HIBCH: variants seen among roughly 807,000 people sequenced by gnomAD.
HIBCH encodes the protein 3-hydroxyisobutyryl-CoA hydrolase, mitochondrial.
Under a neutral mutation model 58.2 loss-of-function variants are expected in HIBCH, and 50 were observed. The observed-to-expected ratio is 0.86, with a 90% CI of 0.68 to 1.09. The LOEUF (loss-of-function observed/expected upper bound fraction) is 1.09, where lower values mean the gene tolerates loss of function less well. Among genes scored for constraint, HIBCH ranks in the 50% least tolerant of loss-of-function variants. The probability of loss-of-function intolerance (pLI) is 0.00; values close to 1 mark genes in which losing one functional copy is unlikely to be tolerated. For synonymous variants in HIBCH, 151 were observed against 146.9 expected (o/e 1.03, Z -0.20); for missense variants, 450 against 449.7 (o/e 1.00, Z -0.01).
chr2:190,216,398 TA>T lies in HIBCH; in HGVS notation c.892-3324del, dbSNP rs1685533945. Among the ~76,000 whole-genome samples, 1 of 152,190 alleles carries T rather than the reference TA, an allele frequency of 6.6e-6. No individual in the cohort carries two copies. Among genetic ancestry groups the T allele is most frequent in the Admixed American group, 6.5e-5 (1 of 15,276 alleles). Reference sequence around the variant, plus strand: ...GACCATTAAGGTTTTGTTGTTGTTTTACTGAGAGGCTGTAAGTCCACCACGG... The same window carrying T: ...GACCATTAAGGTTTTGTTGTTGTTTTCTGAGAGGCTGTAAGTCCACCACGG... On this transcript the variant is annotated intron_variant, in intron 11 of 13. Transcript: ENST00000359678. The surrounding 1 kb of genome is among the most constrained non-coding windows in gnomAD (Gnocchi z 4.2).
intron 1 of HIBCH, among the ~76,000 whole-genome samples, chr2:190,195,057 T>C (rs982936139): frequency 1.3e-5 from 2 of 151,894 alleles, no homozygotes; most frequent in Admixed American, 6.6e-5. Context: ...AGAGACGGGG[T>C]CTTGCTATGT....
At position 190,281,128 on chromosome 2, in the gene HIBCH, C is replaced by A. The variant is rs1265466094; in HGVS notation, c.438+6458G>T. Reference sequence around the variant, plus strand: ...ATCTCAAGGGCAGCTCTAGCTCTGACCTCACAATTCCACTTGGCATTCTCC... The same window carrying A: ...ATCTCAAGGGCAGCTCTAGCTCTGAACTCACAATTCCACTTGGCATTCTCC... On this transcript the variant is annotated intron_variant, in intron 6 of 13. Transcript: ENST00000359678. This position sits in a 1 kb window ranked among gnomAD's most constrained non-coding sequence, Gnocchi z 5.4. 3 of 152,296 alleles carry A rather than the reference C, an allele frequency of 2.0e-5. No homozygotes were observed. Among genetic ancestry groups the A allele is most frequent in the Non-Finnish European group, 4.4e-5 (3 of 68,168 alleles). The allele number at this position is 152,296 out of a possible 1,614,324, so 9.4% of individuals were successfully genotyped here.
chr2:190,242,593 G>A (rs1186730801), intron 11 of HIBCH, among the ~76,000 whole-genome samples: 1 of 152,104 alleles, frequency 6.6e-6, no homozygotes, highest in African/African-American at 2.4e-5. Context: ...GATGGCCTCT[G>A]AATGGGGTTT....
At chr2:190,278,169 A>G (rs2966469) in intron 6 of HIBCH, among the ~76,000 whole-genome samples, 147,757 of 152,154 alleles carry the variant, frequency 0.97, 71,787 homozygotes, top group Admixed American at 0.98. Context: ...TTCTTGGGCC[A>G]AATTCCAGAC....
intron 6 of HIBCH, among the ~76,000 whole-genome samples, chr2:190,261,616 T>C (rs982599839): frequency 2.0e-5 from 3 of 151,784 alleles, no homozygotes; most frequent in Admixed American, 1.3e-4. Context: ...TATAAGAATA[T>C]ATACAACTAT....
At chr2:190,309,956 G>C (rs1401595519) in intron 2 of HIBCH, among the ~76,000 whole-genome samples, 1 of 152,094 alleles carries the variant, frequency 6.6e-6, no homozygotes, top group Non-Finnish European at 1.5e-5. Context: ...CATTCAAGTC[G>C]GTGGACTGGG....
At chr2:190,287,535 A>G (rs1213276406) in intron 6 of HIBCH, 51 bp downstream of exon 6, 2 of 1,154,580 alleles carry the variant, frequency 1.7e-6, no homozygotes, top group Non-Finnish European at 2.6e-6. Context: ...TTATTAACTT[A>G]TTTTTAATAC....
intron 6 of HIBCH, among the ~76,000 whole-genome samples, chr2:190,280,446 A>C (rs535429807): frequency 3.8e-4 from 58 of 152,300 alleles, no homozygotes; most frequent in African/African-American, 9.6e-4. Flanking sequence ...TCCCTAAAAT[A>C]ACTGGTCGCA....
intron 1 of HIBCH, among the ~76,000 whole-genome samples, chr2:190,319,187 A>C (rs1005872561): frequency 2.0e-5 from 3 of 152,182 alleles, no homozygotes; most frequent in African/African-American, 7.2e-5. Context: ...AAAAAGTTAA[A>C]CAATGTTTGC....
At chr2:190,249,467 C>G (rs1160766417) in intron 9 of HIBCH, among the ~76,000 whole-genome samples, 173 bp downstream of exon 9, 2 of 152,184 alleles carry the variant, frequency 1.3e-5, no homozygotes, top group African/African-American at 4.8e-5. Flanking sequence ...ATCTTATTAG[C>G]TGGCTATACT....
rs1349077378 is a variant in HIBCH, at chr2:190,215,645, C to T, written c.892-2570G>A. On this transcript the variant is annotated intron_variant, in intron 11 of 13. Coordinates refer to ENST00000359678, the MANE Select transcript of HIBCH (RefSeq NM_014362.4). The surrounding 1 kb of genome is among the most constrained non-coding windows in gnomAD (Gnocchi z 4.4). ...GAATGAAAAACCAATTAAGGAATTA[C>T]TAAGGGAAGCTCAGAAGGTTTCTGT... 1.3e-5 allele frequency: 2 copies of T among 152,008 alleles called. No individual in the cohort carries two copies. Among genetic ancestry groups the T allele is most frequent in the Admixed American group, 6.5e-5 (1 of 15,274 alleles). The allele number at this position is 152,008 out of a possible 1,614,324, so 9.4% of individuals were successfully genotyped here. A position where few individuals can be genotyped will look rare whatever the true frequency, so the allele number is the denominator to read the frequency against.
At chr2:190,313,644 A>C (rs908487422) in intron 1 of HIBCH, among the ~76,000 whole-genome samples, 8 of 15,288 alleles carry the variant, frequency 5.2e-4, no homozygotes, top group Non-Finnish European at 1.3e-3. Context: ...TCTGTCTCAC[A>C]AAAAAAAAAA....
chr2:190,290,660 G>T (rs1687936489), intron 4 of HIBCH, among the ~76,000 whole-genome samples, 175 bp from the exon 5 acceptor site: 1 of 152,122 alleles, frequency 6.6e-6, no homozygotes, highest in Non-Finnish European at 1.5e-5. Flanking sequence ...CAGATCCATA[G>T]TCCAATGTCA....
At chr2:190,258,136 G>A (rs994888229) in intron 7 of HIBCH, among the ~76,000 whole-genome samples, 1 of 152,220 alleles carries the variant, frequency 6.6e-6, no homozygotes, top group Admixed American at 6.5e-5. Context: ...AATAATGAGT[G>A]AGTTCTCATG....
intron 6 of HIBCH, among the ~76,000 whole-genome samples, chr2:190,276,388 TTA>T (rs1199267433): frequency 6.6e-6 from 1 of 152,168 alleles, no homozygotes; most frequent in Non-Finnish European, 1.5e-5. Flanking sequence ...TCTTACTCCT[TTA>T]TGTTTCCTAA....
chr2:190,296,027 C>T (rs568417949), intron 3 of HIBCH, among the ~76,000 whole-genome samples: 1 of 152,312 alleles, frequency 6.6e-6, no homozygotes, highest in African/African-American at 2.4e-5. Context: ...ATCCACGTTT[C>T]AAACCAGACA....
rs142811027 is a variant in HIBCH at position 190,233,818 on chromosome 2, T to A, written c.891+11069A>T. Reference sequence around the variant, plus strand: ...GGAAATGCAAATTAAAACCGTAATGTCATGCTATTTTATATATCCCAGAAA... The same window carrying A: ...GGAAATGCAAATTAAAACCGTAATGACATGCTATTTTATATATCCCAGAAA... On this transcript the variant is annotated intron_variant, in intron 11 of 13. Transcript: ENST00000359678. Among the ~76,000 whole-genome samples the A allele has an allele frequency of 8.0e-3, 1,213 of 152,328 alleles. 69 individuals are homozygous for A. Among genetic ancestry groups the A allele is most frequent in the Admixed American group, 0.071 (1,093 of 15,294 alleles).
chr2:190,192,373 TAGG>T (rs1297217198), intron 1 of HIBCH, among the ~76,000 whole-genome samples: 7 of 151,970 alleles, frequency 4.6e-5, no homozygotes, highest in Non-Finnish European at 1.0e-4. Flanking sequence ...CATTAGATAA[TAGG>T]AGTACTCCAA....
At position 190,236,828 on chromosome 2, in the gene HIBCH, T is replaced by C. The variant is rs994425517; in HGVS notation, c.891+8059A>G. 3.3e-5 allele frequency among the ~76,000 whole-genome samples: 5 copies of C among 152,188 alleles called. No homozygotes were observed. Among genetic ancestry groups the C allele is most frequent in the African/African-American group, 4.8e-5 (2 of 41,462 alleles). On this transcript the variant is annotated intron_variant, in intron 11 of 13. Transcript: ENST00000359678. The surrounding 1 kb of genome is among the most constrained non-coding windows in gnomAD (Gnocchi z 4.1). ...CTATCTAAAGATACAAGTACTACTA[T>C]TTTATGTTTCCTAAATGCCAATGGT...
Sources: gnomAD v4.1 joint callset for allele counts (sites outside exome capture counted in the v4.1 genomes callset) on GRCh38, gnomAD v4.1.1 for gene constraint, Gnocchi (gnomAD v3.1) non-coding constraint, MANE v1.5 for transcripts, NCBI Gene and HGNC (gene_info 2026-07-23, HGNC 2026-07-21) for gene names.